LRMDA: variants seen among roughly 807,000 people sequenced by gnomAD.
LRMDA encodes the protein leucine-rich melanocyte differentiation-associated protein.
LRMDA carries 18 observed loss-of-function variants against 29.8 expected under a neutral mutation model. The observed-to-expected ratio is 0.60, with a 90% confidence interval of 0.42 to 0.90. The LOEUF (loss-of-function observed/expected upper bound fraction) is 0.90. Ranked by LOEUF, LRMDA falls within the 40% of genes least tolerant of loss-of-function variation. The probability of loss-of-function intolerance (pLI) is 0.00; values close to 1 mark genes in which losing one functional copy is unlikely to be tolerated. For synonymous variants in LRMDA, 125 were observed against 109.4 expected, an observed-to-expected ratio of 1.14 and a Z score of -0.89; for missense variants, 273 against 273.9, an observed-to-expected ratio of 1.00 and a Z score of 0.02.
chr10:75,590,628 G>A (rs1009711439), intron 2 of LRMDA, among the ~76,000 whole-genome samples: 1 of 150,250 alleles, frequency 6.7e-6, no homozygotes, highest in Non-Finnish European at 1.5e-5. Context: ...TGCCTTGGAA[G>A]TTGGTAGCTA....
chr10:75,580,826 C>T (rs972792569), intron 2 of LRMDA, among the ~76,000 whole-genome samples: 1 of 152,134 alleles, frequency 6.6e-6, no homozygotes, highest in South Asian at 2.1e-4. Context: ...GGAAAGGATT[C>T]CCTATTTAAT....
intron 2 of LRMDA, among the ~76,000 whole-genome samples, chr10:75,506,896 T>G (rs1027632839): frequency 6.6e-6 from 1 of 152,190 alleles, no homozygotes; most frequent in African/African-American, 2.4e-5. Flanking sequence ...CCAGAAGCAA[T>G]GGCAGAGGAA....
At chr10:75,898,241 A>C (rs1845616291) in intron 2 of LRMDA, among the ~76,000 whole-genome samples, 1 of 152,232 alleles carries the variant, frequency 6.6e-6, no homozygotes, top group African/African-American at 2.4e-5. Context: ...AAGAATTTAA[A>C]AAATAATAAA....
chr10:76,476,482 C>G (rs1842673155), intron 6 of LRMDA, among the ~76,000 whole-genome samples: 1 of 152,150 alleles, frequency 6.6e-6, no homozygotes, highest in African/African-American at 2.4e-5. Flanking sequence ...CAAGGAGGAG[C>G]TGGTACCATT....
chr10:75,458,575 A>G (rs1844548593), intron 2 of LRMDA, among the ~76,000 whole-genome samples: 1 of 152,234 alleles, frequency 6.6e-6, no homozygotes, highest in South Asian at 2.1e-4. Context: ...AAGAAAGCCA[A>G]ACGTCAGAGT....
chr10:75,466,886 G>C (rs1296818775), intron 2 of LRMDA, among the ~76,000 whole-genome samples: 1 of 150,944 alleles, frequency 6.6e-6, no homozygotes, highest in Non-Finnish European at 1.5e-5. Context: ...GAAAAGGAAA[G>C]AAAAAATTAA....
intron 3 of LRMDA, among the ~76,000 whole-genome samples, chr10:76,040,162 C>T (rs748185792): frequency 1.1e-4 from 17 of 152,118 alleles, no homozygotes; most frequent in African/African-American, 2.2e-4. Flanking sequence ...CCCAAAGGAG[C>T]GGCAATCATT....
chr10:76,469,158 G>A (rs1052838373), intron 6 of LRMDA, among the ~76,000 whole-genome samples: 2 of 152,058 alleles, frequency 1.3e-5, no homozygotes, highest in African/African-American at 4.8e-5. Flanking sequence ...CCTCCTCCCC[G>A]CAGCTTACTT....
intron 5 of LRMDA, among the ~76,000 whole-genome samples, chr10:76,246,268 G>A (rs1456767685): frequency 6.6e-6 from 1 of 152,218 alleles, no homozygotes; most frequent in African/African-American, 2.4e-5. Context: ...CTGGCGGACT[G>A]AAGGGAGGAA....
chr10:76,469,016 C>T (rs1310543492), intron 6 of LRMDA, among the ~76,000 whole-genome samples: 3 of 152,148 alleles, frequency 2.0e-5, no homozygotes, highest in Non-Finnish European at 4.4e-5. Context: ...AAAAAATATC[C>T]AACCATTCGG....
intron 2 of LRMDA, among the ~76,000 whole-genome samples, chr10:75,740,437 G>A (rs1589180992): frequency 6.6e-6 from 1 of 152,138 alleles, no homozygotes; most frequent in Non-Finnish European, 1.5e-5. Context: ...TTTTTGTGCA[G>A]CCCTGTGTGA....
chr10:75,909,119 T>G (rs887197378), intron 2 of LRMDA, among the ~76,000 whole-genome samples: 1 of 152,182 alleles, frequency 6.6e-6, no homozygotes, highest in African/African-American at 2.4e-5. Flanking sequence ...AAGATGCTAT[T>G]TCTGACCTTG....
intron 6 of LRMDA, among the ~76,000 whole-genome samples, chr10:76,358,670 G>C (rs539226774): frequency 1.3e-5 from 2 of 152,244 alleles, no homozygotes; most frequent in Admixed American, 1.3e-4. Context: ...TAAAATGCTG[G>C]TGAAATAATT....
chr10:75,574,017 C>G (rs534349111), intron 2 of LRMDA, among the ~76,000 whole-genome samples: 6 of 151,592 alleles, frequency 4.0e-5, no homozygotes, highest in Middle Eastern at 3.4e-3. Context: ...GCATGAGAAA[C>G]AGCATGCCTC....
intron 2 of LRMDA, among the ~76,000 whole-genome samples, chr10:75,738,457 G>A (rs1430163629): frequency 1.3e-5 from 2 of 152,122 alleles, no homozygotes; most frequent in Non-Finnish European, 2.9e-5. Flanking sequence ...ATTCTTAACC[G>A]GTGATAGTGC....
intron 2 of LRMDA, among the ~76,000 whole-genome samples, chr10:75,506,353 A>G (rs1354477004): frequency 6.6e-6 from 1 of 152,232 alleles, no homozygotes; most frequent in Non-Finnish European, 1.5e-5. Flanking sequence ...TGAGTGGAGA[A>G]TGGCCTGAAC....
chr10:75,989,207 G>A (rs1303386713), intron 2 of LRMDA, among the ~76,000 whole-genome samples: 1 of 152,240 alleles, frequency 6.6e-6, no homozygotes, highest in Non-Finnish European at 1.5e-5. Context: ...TACTATGACT[G>A]TATTAGTCCA....
In LRMDA at chr10:76,401,007, T is replaced by G. The variant is rs374926019; in HGVS notation, c.601+76522T>G. On this transcript the variant is annotated intron_variant, in intron 6 of 6. Coordinates refer to ENST00000611255, the MANE Select transcript of LRMDA (RefSeq NM_001305581.2). The stretch of plus-strand genomic sequence containing the variant: ...AAAATGCTCATTTGAGCATTTCCTT[T>G]GAGGGTCATGTTGGTACATAAAACA... 3.7e-4 allele frequency among the ~76,000 whole-genome samples: 56 copies of G among 152,312 alleles called. 1 individual carries two copies. The South Asian group carries it at 4.3e-3, about 12-fold the overall frequency.
intron 2 of LRMDA, among the ~76,000 whole-genome samples, chr10:75,817,265 A>G (rs1056685307): frequency 6.6e-6 from 1 of 152,228 alleles, no homozygotes; most frequent in African/African-American, 2.4e-5. Flanking sequence ...CCTAACAGTT[A>G]GAAGGAGCCA....
Sources: gnomAD v4.1 joint callset for allele counts (sites outside exome capture counted in the v4.1 genomes callset) on GRCh38, gnomAD v4.1.1 for gene constraint, MANE v1.5 for transcripts, NCBI Gene and HGNC (gene_info 2026-07-23, HGNC 2026-07-21) for gene names.